MEIG1: variants seen among roughly 807,000 people sequenced by gnomAD.
MEIG1 encodes meiosis expressed gene 1 protein homolog.
A neutral mutation model predicts 11.3 loss-of-function variants in MEIG1; 12 were observed. That is an observed-to-expected ratio of 1.07 (90% CI 0.68 to 1.73). The LOEUF (loss-of-function observed/expected upper bound fraction) is 1.73, where lower values mean the gene tolerates loss of function less well. Among genes scored for constraint, MEIG1 ranks in the 40% most tolerant of loss-of-function variants. MEIG1 has a pLI of 0.00. For synonymous variants in MEIG1, 41 were observed against 33.2 expected, an observed-to-expected ratio of 1.24 and a Z score of -0.81; for missense variants, 119 against 104.9, an observed-to-expected ratio of 1.13 and a Z score of -0.59.
intron 1 of MEIG1, among the ~76,000 whole-genome samples, chr10:14,980,580 G>A (rs1296488928): frequency 6.6e-6 from 1 of 152,144 alleles, no homozygotes; most frequent in East Asian, 1.9e-4. Flanking sequence ...CAGTCCTCCA[G>A]GTGTTGGCGT....
intron 1 of MEIG1, among the ~76,000 whole-genome samples, chr10:14,984,775 G>C (rs1026067791): frequency 6.6e-6 from 1 of 152,012 alleles, no homozygotes. Flanking sequence ...GAAATTATTC[G>C]TTATAATTTT....
downstream of MEIG1, among the ~76,000 whole-genome samples, chr10:14,976,381 G>A (rs527350207): frequency 9.2e-5 from 14 of 152,210 alleles, no homozygotes; most frequent in South Asian, 2.1e-4. Context: ...TAAGAATAAT[G>A]TCACAATGTG....
chr10:14,977,930 G>C (rs1843228341), intron 1 of MEIG1, among the ~76,000 whole-genome samples: 2 of 151,936 alleles, frequency 1.3e-5, no homozygotes, highest in Non-Finnish European at 2.9e-5. Flanking sequence ...TAATATCACA[G>C]AGAGTGTGCC....
At chr10:14,978,878 C>T (rs1179731490) in intron 1 of MEIG1, among the ~76,000 whole-genome samples, 1 of 152,018 alleles carries the variant, frequency 6.6e-6, no homozygotes, top group East Asian at 1.9e-4. Context: ...ACGGGGTGCA[C>T]ACCAAATGAT....
chr10:14,980,653 A>G (rs911844654), intron 1 of MEIG1, among the ~76,000 whole-genome samples: 1 of 152,080 alleles, frequency 6.6e-6, no homozygotes, highest in Non-Finnish European at 1.5e-5. Flanking sequence ...AGCTCAACCT[A>G]CTGGAGCAAA....
downstream of MEIG1, among the ~76,000 whole-genome samples, chr10:14,976,071 C>T (rs746921347): frequency 6.6e-5 from 10 of 152,130 alleles, no homozygotes; most frequent in Non-Finnish European, 1.5e-4. Context: ...GATATTACTC[C>T]CCGCATCGCG....
At chr10:14,964,049 G>A (rs1445741948) in intron 1 of MEIG1, among the ~76,000 whole-genome samples, 1 of 147,420 alleles carries the variant, frequency 6.8e-6, no homozygotes, top group Non-Finnish European at 1.5e-5. Flanking sequence ...AGTGAGCCGA[G>A]ATCGCGCCTC....
At chr10:14,964,585 G>GTGTATATA (rs1378376059) in intron 1 of MEIG1, among the ~76,000 whole-genome samples, 7 of 93,040 alleles carry the variant, frequency 7.5e-5, no homozygotes, top group African/African-American at 2.8e-4. Flanking sequence ...GTGTGTGTGT[G>GTGTATATA]TATATATATA....
chr10:14,954,434 T>C, upstream of MEIG1: 1 of 305,798 alleles, frequency 3.3e-6, no homozygotes, highest in Non-Finnish European at 6.5e-6. Context: ...TTCGTTCCGC[T>C]TCCTGCTTGT....
At chr10:14,954,237 C>T in the MEIG1 span, 2 of 660,746 alleles carry the variant, frequency 3.0e-6, no homozygotes, top group Non-Finnish European at 5.2e-6. Context: ...CTTCGCTGCA[C>T]GCGATGGGCC....
At chr10:14,977,427 A>G (rs1843220593), downstream of MEIG1, among the ~76,000 whole-genome samples, 1 of 151,908 alleles carries the variant, frequency 6.6e-6, no homozygotes, top group South Asian at 2.1e-4. Flanking sequence ...TTCAGGGGGG[A>G]TGTTACTCAT....
At chr10:14,968,160 C>A (rs1843109335) in intron 2 of MEIG1, among the ~76,000 whole-genome samples, 1 of 151,822 alleles carries the variant, frequency 6.6e-6, no homozygotes, top group African/African-American at 2.4e-5. Context: ...TTCTTTTATT[C>A]TATTCTTTGA....
upstream of MEIG1, among the ~76,000 whole-genome samples, chr10:14,958,850 A>C (rs1035390421): frequency 3.3e-5 from 5 of 152,058 alleles, no homozygotes; most frequent in South Asian, 6.2e-4. Context: ...GAGCCGAGAT[A>C]GCACCACTGC....
downstream of MEIG1, among the ~76,000 whole-genome samples, chr10:14,973,767 C>T (rs1249243243): frequency 5.6e-5 from 1 of 17,894 alleles, no homozygotes; most frequent in African/African-American, 2.3e-4. Flanking sequence ...GAGACTCCAT[C>T]TCAAAAAAAA....
At chr10:14,957,271 T>C (rs1204314863), upstream of MEIG1, among the ~76,000 whole-genome samples, 1 of 152,088 alleles carries the variant, frequency 6.6e-6, no homozygotes, top group Non-Finnish European at 1.5e-5. Context: ...TTGTCCAGGG[T>C]CATGTTGATA....
chr10:14,964,096 CAAAA>C (rs370368866), intron 1 of MEIG1, among the ~76,000 whole-genome samples: 7,499 of 117,816 alleles, frequency 0.064, 183 homozygotes, highest in African/African-American at 0.083. Flanking sequence ...GACTCCGTCT[CAAAA>C]AAAAAAAAAA....
At chr10:14,980,117 T>C (rs547478757) in intron 1 of MEIG1, among the ~76,000 whole-genome samples, 65 of 152,200 alleles carry the variant, frequency 4.3e-4, no homozygotes, top group African/African-American at 1.4e-3. Flanking sequence ...GTTCACCTTG[T>C]GATATTATTC....
chr10:14,965,070 C>T (rs751277030), intron 1 of MEIG1, among the ~76,000 whole-genome samples: 9 of 148,848 alleles, frequency 6.0e-5, no homozygotes, highest in Non-Finnish European at 1.2e-4. Context: ...AGGCTCGAGC[C>T]ACCATGTCCA....
At chr10:14,959,079 C>T (rs553117448), upstream of MEIG1, among the ~76,000 whole-genome samples, 41 of 152,242 alleles carry the variant, frequency 2.7e-4, no homozygotes, top group African/African-American at 8.9e-4. Flanking sequence ...GTTCATTCCT[C>T]GCAAATGAAT....
Sources: gnomAD v4.1 joint callset for allele counts (sites outside exome capture counted in the v4.1 genomes callset) on GRCh38, gnomAD v4.1.1 for gene constraint, MANE v1.5 for transcripts, NCBI Gene and HGNC (gene_info 2026-07-23, HGNC 2026-07-21) for gene names.